CORO2A: variants seen among roughly 807,000 people sequenced by gnomAD.
CORO2A encodes coronin 2A, also known as coronin-2A.
CORO2A carries 47 observed loss-of-function variants against 62.4 expected under a neutral mutation model. That is an observed-to-expected ratio of 0.75 (90% confidence interval 0.60 to 0.96). The LOEUF (loss-of-function observed/expected upper bound fraction) is 0.96, where lower values mean the gene tolerates loss of function less well. CORO2A is among the 40% of genes least tolerant of loss of function. CORO2A has a pLI of 0.00. For missense variants in CORO2A, 610 were observed against 684.1 expected (o/e 0.89, Z 1.21); for synonymous variants, 273 against 268.9 (o/e 1.02, Z -0.15).
chr9:98,165,040 C>T (rs901364824), intron 1 of CORO2A, among the ~76,000 whole-genome samples: 3 of 152,112 alleles, frequency 2.0e-5, no homozygotes, highest in African/African-American at 7.2e-5. Flanking sequence ...GTGATCAGTG[C>T]TCTCTGCAGC....
chr9:98,182,465 C>G (rs1828189839), intron 1 of CORO2A, among the ~76,000 whole-genome samples: 1 of 152,188 alleles, frequency 6.6e-6, no homozygotes, highest in African/African-American at 2.4e-5. Flanking sequence ...CCTCCACACT[C>G]CCCACCCCCA....
chr9:98,157,450 G>T lies in CORO2A; in HGVS notation c.201+10C>A. 1.2e-6 allele frequency: 2 copies of T among 1,613,922 alleles called. No homozygotes were observed. The highest frequency in any genetic ancestry group is 1.1e-5 in the South Asian group (1 of 91,082). ...TCCAGAGAGCTGTTTGGGCCTGGGGGTGTCCTTACCTGGTGCAGGGGGATG... is the reference window on the plus strand; with the variant it reads ...TCCAGAGAGCTGTTTGGGCCTGGGGTTGTCCTTACCTGGTGCAGGGGGATG... On this transcript the variant is annotated intron_variant, in intron 2 of 11. Coordinates refer to ENST00000375077, the MANE Select transcript of CORO2A (RefSeq NM_052820.4).
At chr9:98,154,928 C>A (rs1367912511) in intron 2 of CORO2A, among the ~76,000 whole-genome samples, 1 of 152,210 alleles carries the variant, frequency 6.6e-6, no homozygotes, top group Non-Finnish European at 1.5e-5. Context: ...GGACAGAGCA[C>A]CAGTGGTGAA....
At chr9:98,128,041 G>A (rs1827351569) in intron 10 of CORO2A, 129 bp downstream of exon 10, 2 of 710,878 alleles carry the variant, frequency 2.8e-6, no homozygotes, top group Admixed American at 2.3e-5. Flanking sequence ...GGGACTGAAG[G>A]TCAAGGGCAT....
Position 98,128,814 on chromosome 9 carries a change from A to T in CORO2A, c.968-95T>A, listed in dbSNP as rs144439070. On this transcript the variant is annotated intron_variant, in intron 8 of 11. Coordinates refer to ENST00000375077, the MANE Select transcript of CORO2A (RefSeq NM_052820.4). ...GCTGCACACCTGGACCTGAACAGAGACCAGTCTCCTCCCAGAAAACAGCTC... is the reference window on the plus strand; with the variant it reads ...GCTGCACACCTGGACCTGAACAGAGTCCAGTCTCCTCCCAGAAAACAGCTC... 6.0e-5 allele frequency: 55 copies of T among 919,840 alleles called. No homozygotes were observed. The Admixed American group carries it at 1.0e-3, about 17-fold the overall frequency. The allele number at this position is 919,840 out of a possible 1,614,324, so 57.0% of individuals were successfully genotyped here. A position where few individuals can be genotyped will look rare whatever the true frequency, so the allele number is the denominator to read the frequency against.
rs1279817331 is a variant in CORO2A, at chr9:98,123,707, G to C, written c.*1067C>G. 5 of 152,418 alleles carry C rather than the reference G, an allele frequency of 3.3e-5. No individual in the cohort carries two copies. Among genetic ancestry groups the C allele is most frequent in the South Asian group, 2.1e-4 (1 of 4,830 alleles). 9.4% of individuals were successfully genotyped at this position (152,418 alleles called of 1,614,324 possible). A position where few individuals can be genotyped will look rare whatever the true frequency, so the allele number is the denominator to read the frequency against. On this transcript the variant is annotated 3_prime_UTR_variant, in exon 12 of 12. Coordinates refer to ENST00000375077, the MANE Select transcript of CORO2A (RefSeq NM_052820.4). ...GTCTCACTCTGTCACCCAGGCTGGAGTGAAGTGGCATGATCTTGGTTCACT... is the reference window on the plus strand; with the variant it reads ...GTCTCACTCTGTCACCCAGGCTGGACTGAAGTGGCATGATCTTGGTTCACT...
intron 1 of CORO2A, among the ~76,000 whole-genome samples, chr9:98,185,996 C>A (rs1828234500): frequency 6.6e-6 from 1 of 152,234 alleles, no homozygotes; most frequent in Non-Finnish European, 1.5e-5. Context: ...CCAGGGCTGG[C>A]TAGAGGGACA....
At chr9:98,148,928 C>T (rs1827685874) in intron 2 of CORO2A, among the ~76,000 whole-genome samples, 2 of 152,072 alleles carry the variant, frequency 1.3e-5, no homozygotes, top group South Asian at 4.1e-4. Context: ...ATTTATGTAA[C>T]ATTCCTAAAA....
chr9:98,164,655 T>C (rs1290308676), intron 1 of CORO2A, among the ~76,000 whole-genome samples: 1 of 152,224 alleles, frequency 6.6e-6, no homozygotes, highest in Non-Finnish European at 1.5e-5. Context: ...CCACCACCTC[T>C]TGGCACGAGG....
intron 2 of CORO2A, among the ~76,000 whole-genome samples, chr9:98,152,986 T>C (rs1003948950): frequency 2.6e-5 from 4 of 152,238 alleles, no homozygotes; most frequent in Non-Finnish European, 5.9e-5. Context: ...ATAATTAGCA[T>C]TGAATCAATG....
intron 7 of CORO2A, among the ~76,000 whole-genome samples, chr9:98,130,521 G>A (rs1417427089): frequency 1.3e-5 from 2 of 152,248 alleles, no homozygotes; most frequent in Admixed American, 6.5e-5. Context: ...GTCAGAACTG[G>A]GGTGGCCTCA....
At chr9:98,185,539 C>T (rs1828228373) in intron 1 of CORO2A, among the ~76,000 whole-genome samples, 1 of 152,332 alleles carries the variant, frequency 6.6e-6, no homozygotes, top group Non-Finnish European at 1.5e-5. Context: ...CAAACCATTG[C>T]TGGAGGCTCG....
At chr9:98,137,203 C>T (rs1351612330) in intron 3 of CORO2A, among the ~76,000 whole-genome samples, 1 of 152,190 alleles carries the variant, frequency 6.6e-6, no homozygotes. Flanking sequence ...CGCTTCCTCA[C>T]TATGGGATTA....
At chr9:98,149,619 T>G (rs910232718) in intron 2 of CORO2A, among the ~76,000 whole-genome samples, 30 of 152,268 alleles carry the variant, frequency 2.0e-4, no homozygotes, top group African/African-American at 6.5e-4. Context: ...CAGACTGTTT[T>G]CAACAATCAG....
intron 1 of CORO2A, among the ~76,000 whole-genome samples, chr9:98,178,021 T>G (rs1017396433): frequency 2.0e-5 from 3 of 152,166 alleles, no homozygotes; most frequent in Non-Finnish European, 4.4e-5. Flanking sequence ...ATTCTCTCAC[T>G]TTTTTTCTTT....
chr9:98,149,427 A>G (rs1169053826), intron 2 of CORO2A, among the ~76,000 whole-genome samples: 1 of 152,180 alleles, frequency 6.6e-6, no homozygotes, highest in East Asian at 1.9e-4. Context: ...TTGCATTGCT[A>G]TATAGGAATA....
At chr9:98,189,245 A>C (rs1359401727) in intron 1 of CORO2A, among the ~76,000 whole-genome samples, 1 of 152,218 alleles carries the variant, frequency 6.6e-6, no homozygotes, top group Non-Finnish European at 1.5e-5. Context: ...TTGACCACAG[A>C]AGCAAAGTCA....
At chr9:98,169,969 T>C (rs1348969324) in intron 1 of CORO2A, among the ~76,000 whole-genome samples, 4 of 152,064 alleles carry the variant, frequency 2.6e-5, no homozygotes, top group East Asian at 3.9e-4. Flanking sequence ...ATCCTGACAT[T>C]TGGGGAGGTA....
At position 98,191,847 on chromosome 9, in the gene CORO2A, G is replaced by A. The variant is rs535230351; in HGVS notation, c.-1+712C>T. ...CACACCTTATCACACACTAGCTCTGGGACACAGAGCTAGGCACCAGCACCT... is the reference window on the plus strand; with the variant it reads ...CACACCTTATCACACACTAGCTCTGAGACACAGAGCTAGGCACCAGCACCT... On this transcript the variant is annotated intron_variant, in intron 1 of 11. Transcript: ENST00000375077. 3.9e-5 allele frequency among the ~76,000 whole-genome samples: 6 copies of A among 152,322 alleles called. No homozygotes were observed. In the South Asian group the frequency reaches 1.0e-3, roughly 26 times the overall value.
Sources: allele counts gnomAD v4.1 joint callset (sites outside exome capture counted in the v4.1 genomes callset), GRCh38; gene constraint gnomAD v4.1.1; transcripts MANE v1.5; gene names NCBI Gene and HGNC (gene_info 2026-07-23, HGNC 2026-07-21).